The following ZNF469 variants were observed in gnomAD, a reference collection of about 807,000 sequenced individuals.
ZNF469 encodes zinc finger protein 469.
A neutral mutation model predicts 1.0 loss-of-function variants in ZNF469; 1 was observed. The ratio of observed to expected loss-of-function variants is 1.00; its 90% CI spans 0.35 to 4.73. ZNF469 has a LOEUF of 4.73. Among genes scored for constraint, ZNF469 ranks in the 30% most tolerant of loss-of-function variants. ZNF469 has a pLI of 0.16. For missense variants in ZNF469, 6,100 were observed against 5,356.3 expected, an observed-to-expected ratio of 1.14 and a Z score of -4.33; for synonymous variants, 2,703 against 2,363.4, an observed-to-expected ratio of 1.14 and a Z score of -4.17.
the ZNF469 span, among the ~76,000 whole-genome samples, chr16:88,312,036 CAAAGGA>C: frequency 6.6e-6 from 1 of 152,200 alleles, no homozygotes; most frequent in East Asian, 1.9e-4. Context: ...TGGCAGAAGA[CAAAGGA>C]AGAGCAAAGG....
At chr16:88,359,415 C>A in the ZNF469 span, among the ~76,000 whole-genome samples, 1 of 152,096 alleles carries the variant, frequency 6.6e-6, no homozygotes, top group Admixed American at 6.5e-5. Flanking sequence ...GGCTCGGTAT[C>A]CTGCCCACAT....
At chr16:88,365,593 T>C in the ZNF469 span, among the ~76,000 whole-genome samples, 1 of 152,238 alleles carries the variant, frequency 6.6e-6, no homozygotes, top group African/African-American at 2.4e-5. Flanking sequence ...GTGCCTGGGC[T>C]TTCCAGTTAT....
the ZNF469 span, among the ~76,000 whole-genome samples, chr16:88,288,655 G>A: frequency 1.9e-4 from 29 of 152,156 alleles, 1 homozygote; most frequent in Non-Finnish European, 5.9e-5. Context: ...AGCTAGACGG[G>A]ACCCCTGATA....
chr16:88,144,880 C>T, the ZNF469 span, among the ~76,000 whole-genome samples: 1 of 151,272 alleles, frequency 6.6e-6, no homozygotes, highest in Admixed American at 6.6e-5. Context: ...GGCGGGGTCT[C>T]GCTCTGTAGC....
the ZNF469 span, among the ~76,000 whole-genome samples, chr16:88,370,325 T>C: frequency 1.3e-5 from 2 of 152,204 alleles, no homozygotes; most frequent in Admixed American, 6.5e-5. Flanking sequence ...CCGACTCTGA[T>C]ACCATGAAGA....
chr16:88,227,835 G>A, the ZNF469 span, among the ~76,000 whole-genome samples: 11 of 152,206 alleles, frequency 7.2e-5, no homozygotes, highest in Non-Finnish European at 1.3e-4. Flanking sequence ...CGGCCCAGGG[G>A]TGCCAGCCGT....
At chr16:88,145,838 G>A in the ZNF469 span, among the ~76,000 whole-genome samples, 17 of 152,356 alleles carry the variant, frequency 1.1e-4, no homozygotes, top group Admixed American at 7.2e-4. Context: ...CCTGTGGCCC[G>A]AGGCCATGAG....
rs922203235 is a variant in ZNF469 at position 88,424,741 on chromosome 16, C to T, written c.-191-66C>T. On this transcript the variant is annotated intron_variant, in intron 1 of 2. Coordinates refer to ENST00000565624, the MANE Select transcript of ZNF469 (RefSeq NM_001367624.2). This position sits in a 1 kb window ranked among gnomAD's most constrained non-coding sequence, Gnocchi z 4.3. ...AGCCGCTCCCTCCCACCTGGCTTCT[C>T]CTCGGGCTCTTGGTCCAGAGCCATG... Among the ~76,000 whole-genome samples the T allele has an allele frequency of 6.6e-6, 1 of 152,162 alleles. No homozygotes were observed. Among genetic ancestry groups the T allele is most frequent in the African/African-American group, 2.4e-5 (1 of 41,436 alleles).
At chr16:88,238,770 C>G in the ZNF469 span, among the ~76,000 whole-genome samples, 1 of 152,250 alleles carries the variant, frequency 6.6e-6, no homozygotes, top group Non-Finnish European at 1.5e-5. Flanking sequence ...CTGGGGCAGC[C>G]ATGCCCTGTG....
chr16:88,192,708 GATA>G, the ZNF469 span, among the ~76,000 whole-genome samples: 1 of 152,278 alleles, frequency 6.6e-6, no homozygotes, highest in Non-Finnish European at 1.5e-5. Flanking sequence ...TGATAAAGGT[GATA>G]ATGGTGGTGA....
chr16:88,250,416 C>G, the ZNF469 span, among the ~76,000 whole-genome samples: 2 of 152,180 alleles, frequency 1.3e-5, no homozygotes, highest in African/African-American at 4.8e-5. Flanking sequence ...AATAGTATTT[C>G]ATTTTGTGAA....
chr16:88,310,860 T>C, the ZNF469 span, among the ~76,000 whole-genome samples: 11 of 152,310 alleles, frequency 7.2e-5, no homozygotes, highest in Admixed American at 6.5e-4. Flanking sequence ...ATCGAGAAGA[T>C]GGCATAGAGT....
At chr16:88,361,831 G>A in the ZNF469 span, among the ~76,000 whole-genome samples, 2 of 152,086 alleles carry the variant, frequency 1.3e-5, no homozygotes, top group African/African-American at 2.4e-5. Context: ...AAGCATGATC[G>A]GTTTAGCCTT....
chr16:88,164,067 G>C, the ZNF469 span, among the ~76,000 whole-genome samples: 1 of 150,402 alleles, frequency 6.6e-6, no homozygotes, highest in Non-Finnish European at 1.5e-5. Context: ...ATGGATGAAT[G>C]GATGGGTTGG....
chr16:88,162,404 A>C, the ZNF469 span, among the ~76,000 whole-genome samples: 1 of 151,048 alleles, frequency 6.6e-6, no homozygotes, highest in Non-Finnish European at 1.5e-5. Flanking sequence ...ATAGTGTTAG[A>C]GCCAGAAATG....
chr16:88,434,966 C>A lies in ZNF469; in HGVS notation c.7496C>A (p.Pro2499Gln), dbSNP rs1015197481. ...RHKARKHRPHPGAPAEPSPAA... is the reference protein window; with the variant it reads ...RHKARKHRPHQGAPAEPSPAA... The stretch of plus-strand genomic sequence containing the variant: ...AAGGCCAGGAAGCACCGGCCACACC[C>A]GGGAGCCCCCGCGGAGCCGAGCCCA... Residue 2499 changes from proline to glutamine, a missense_variant, in exon 3 of 3, where the codon CCG becomes CAG. Coordinates refer to ENST00000565624, the MANE Select transcript of ZNF469 (RefSeq NM_001367624.2). 2.6e-6 allele frequency: 4 copies of A among 1,549,784 alleles called. No homozygotes were observed. The highest frequency in any genetic ancestry group is 2.4e-5 in the East Asian group (1 of 40,928).
chr16:88,217,438 CT>C, the ZNF469 span, among the ~76,000 whole-genome samples: 26 of 151,486 alleles, frequency 1.7e-4, 2 homozygotes, highest in South Asian at 1.7e-3. Flanking sequence ...GTTGAAATTT[CT>C]TTTTTTTTAT....
upstream of ZNF469, among the ~76,000 whole-genome samples, chr16:88,380,573 TCA>T (rs1202746155): frequency 0.012 from 963 of 79,230 alleles, 18 homozygotes; most frequent in African/African-American, 0.043. Flanking sequence ...ACAGACGCCC[TCA>T]CACAGACATG....
chr16:88,381,121 C>G (rs540913936), upstream of ZNF469, among the ~76,000 whole-genome samples: 7 of 148,558 alleles, frequency 4.7e-5, no homozygotes, highest in African/African-American at 7.6e-5. Context: ...CGCACACACG[C>G]ACACACAGAC....
Sources: allele counts gnomAD v4.1 joint callset (sites outside exome capture counted in the v4.1 genomes callset), GRCh38; gene constraint gnomAD v4.1.1; non-coding constraint Gnocchi (gnomAD v3.1); transcripts MANE v1.5; gene names NCBI Gene and HGNC (gene_info 2026-07-23, HGNC 2026-07-21).